BCHE: variants seen among roughly 807,000 people sequenced by gnomAD.
BCHE encodes butyrylcholinesterase.
A neutral mutation model predicts 51.3 loss-of-function variants in BCHE; 48 were observed. The ratio of observed to expected loss-of-function variants is 0.94; its 90% confidence interval spans 0.74 to 1.19. The LOEUF is 1.19. Among genes scored for constraint, BCHE ranks in the 50% most tolerant of loss-of-function variants. The pLI is 0.00. For missense variants in BCHE, 847 were observed against 708.2 expected, an observed-to-expected ratio of 1.20 and a Z score of -2.23; for synonymous variants, 251 against 238.0, an observed-to-expected ratio of 1.05 and a Z score of -0.50.
rs544718717 is a variant in BCHE at position 165,832,530 on chromosome 3, G to A, written c.-8-1489C>T. ...TGGTCTCGAACTCCTGACCTCAAGT[G>A]ATCCACTTACCTCGGCCTCCCAAAG... On this transcript the variant is annotated intron_variant, in intron 1 of 3. Coordinates refer to ENST00000264381, the MANE Select transcript of BCHE (RefSeq NM_000055.4). Among the ~76,000 whole-genome samples the A allele has an allele frequency of 2.8e-4, 43 of 152,170 alleles. 1 individual carries two copies. The South Asian group carries it at 3.1e-3, about 11-fold the overall frequency.
intron 2 of BCHE, among the ~76,000 whole-genome samples, chr3:165,810,673 T>G (rs1482340103): frequency 1.3e-5 from 2 of 152,158 alleles, no homozygotes; most frequent in Non-Finnish European, 2.9e-5. Context: ...AGCTCTGTTT[T>G]GGGGCTATCT....
chr3:165,792,569 T>C (rs1713211386), intron 2 of BCHE, among the ~76,000 whole-genome samples: 1 of 152,184 alleles, frequency 6.6e-6, no homozygotes, highest in African/African-American at 2.4e-5. Flanking sequence ...GATGCCATTA[T>C]AAGTGGAAGG....
At chr3:165,802,092 G>A (rs1713672659) in intron 2 of BCHE, among the ~76,000 whole-genome samples, 1 of 152,290 alleles carries the variant, frequency 6.6e-6, no homozygotes, top group East Asian at 1.9e-4. Flanking sequence ...ACTCTGAGGT[G>A]AGAACTGTAT....
At chr3:165,804,116 AAGG>A (rs994767387) in intron 2 of BCHE, among the ~76,000 whole-genome samples, 5 of 152,184 alleles carry the variant, frequency 3.3e-5, no homozygotes, top group African/African-American at 1.2e-4. Flanking sequence ...GAGATGCTTC[AAGG>A]AGGAGAGAGA....
rs560642703 is a variant in BCHE, at chr3:165,819,715, T to C, written c.1517+9802A>G. On this transcript the variant is annotated intron_variant, in intron 2 of 3. Transcript: ENST00000264381. ...AGTTTTAAAAATATTTTAGGTGTGT[T>C]TCTGTTCTTATGTTTTTGCTAAATT... 7.1e-5 allele frequency among the ~76,000 whole-genome samples: 10 copies of C among 141,586 alleles called. No homozygotes were observed. The South Asian group carries it at 2.4e-3, about 33-fold the overall frequency. 92.9% of individuals were successfully genotyped at this position (141,586 alleles called of 152,430 possible).
intron 3 of BCHE, among the ~76,000 whole-genome samples, chr3:165,775,971 CTTGT>C (rs1311389318): frequency 6.6e-6 from 1 of 151,746 alleles, no homozygotes; most frequent in African/African-American, 2.4e-5. Flanking sequence ...TTCATATTGG[CTTGT>C]TTATTACTAA....
intron 3 of BCHE, chr3:165,777,694 C>A: frequency 2.3e-6 from 1 of 427,950 alleles, no homozygotes. Context: ...CAACATGAGT[C>A]TGAACTGCAC....
intron 2 of BCHE, among the ~76,000 whole-genome samples, chr3:165,826,629 A>C (rs1484578095): frequency 6.6e-6 from 1 of 152,148 alleles, no homozygotes; most frequent in South Asian, 2.1e-4. Flanking sequence ...CAGTATGTAC[A>C]TTATATTTCA....
At chr3:165,822,550 A>C (rs1451939658) in intron 2 of BCHE, among the ~76,000 whole-genome samples, 1 of 152,056 alleles carries the variant, frequency 6.6e-6, no homozygotes, top group African/African-American at 2.4e-5. Flanking sequence ...TACATATACA[A>C]AGGATCTGTA....
chr3:165,818,700 A>T (rs1283324276), intron 2 of BCHE, among the ~76,000 whole-genome samples: 1 of 152,154 alleles, frequency 6.6e-6, no homozygotes, highest in African/African-American at 2.4e-5. Flanking sequence ...AGAGGAAGAG[A>T]CGTTAGTGAA....
chr3:165,820,733 T>A (rs1231123713), intron 2 of BCHE, among the ~76,000 whole-genome samples: 1 of 152,044 alleles, frequency 6.6e-6, no homozygotes, highest in Non-Finnish European at 1.5e-5. Context: ...CAGATGACAG[T>A]CTCACAAACT....
At chr3:165,822,217 T>TATGA (rs1013228655) in intron 2 of BCHE, among the ~76,000 whole-genome samples, 12 of 151,982 alleles carry the variant, frequency 7.9e-5, no homozygotes, top group South Asian at 4.1e-4. Context: ...AATAAGAGGC[T>TATGA]ATGAATGAAT....
chr3:165,780,443 C>G (rs1712649276), intron 3 of BCHE, among the ~76,000 whole-genome samples: 1 of 152,084 alleles, frequency 6.6e-6, no homozygotes, highest in African/African-American at 2.4e-5. Context: ...TTTTGCACAG[C>G]AAAATAAACT....
At chr3:165,832,581 C>T (rs544813861) in intron 1 of BCHE, among the ~76,000 whole-genome samples, 5 of 152,156 alleles carry the variant, frequency 3.3e-5, no homozygotes, top group African/African-American at 7.2e-5. Flanking sequence ...CATGAGCCAC[C>T]GCGCCCGGCC....
chr3:165,810,358 A>G (rs1000280946), intron 2 of BCHE, among the ~76,000 whole-genome samples: 2 of 152,150 alleles, frequency 1.3e-5, no homozygotes, highest in African/African-American at 4.8e-5. Flanking sequence ...AAATATCTCA[A>G]TAGACATTAC....
intron 3 of BCHE, among the ~76,000 whole-genome samples, chr3:165,784,463 T>A (rs540286443): frequency 6.6e-6 from 1 of 152,104 alleles, no homozygotes; most frequent in South Asian, 2.1e-4. Context: ...TACAAAATTA[T>A]ATTTTCAAGA....
chr3:165,793,808 A>T (rs1410023739), intron 2 of BCHE, among the ~76,000 whole-genome samples: 1 of 152,132 alleles, frequency 6.6e-6, no homozygotes, highest in East Asian at 1.9e-4. Flanking sequence ...GCACTTTGGG[A>T]GGCCAAGGCG....
chr3:165,829,180 G>T (rs1714850745), intron 2 of BCHE, among the ~76,000 whole-genome samples: 1 of 152,020 alleles, frequency 6.6e-6, no homozygotes, highest in African/African-American at 2.4e-5. Context: ...TTGTAAACTT[G>T]CAGGTTAAAA....
At chr3:165,819,558 G>A (rs1016999799) in intron 2 of BCHE, among the ~76,000 whole-genome samples, 2 of 151,888 alleles carry the variant, frequency 1.3e-5, no homozygotes, top group African/African-American at 4.8e-5. Context: ...CTTTTTATAT[G>A]GTTTATACAA....
Sources: allele counts gnomAD v4.1 joint callset (sites outside exome capture counted in the v4.1 genomes callset), GRCh38; gene constraint gnomAD v4.1.1; transcripts MANE v1.5; gene names NCBI Gene and HGNC (gene_info 2026-07-23, HGNC 2026-07-21).